Variants in ATG9A observed in about 807,000 individuals in gnomAD.
ATG9A encodes autophagy related 9A, also known as autophagy-related protein 9A.
Under a neutral mutation model 87.1 loss-of-function variants are expected in ATG9A, and 21 were observed. The observed-to-expected ratio is 0.24, with a 90% CI of 0.17 to 0.35. The LOEUF (loss-of-function observed/expected upper bound fraction) is 0.35. Among genes scored for constraint, ATG9A ranks in the 10% least tolerant of loss-of-function variants. ATG9A has a pLI of 1.00. For synonymous variants in ATG9A, 422 were observed against 441.3 expected, an observed-to-expected ratio of 0.96 and a Z score of 0.55; for missense variants, 836 against 1,107.3, an observed-to-expected ratio of 0.76 and a Z score of 3.48.
At chr2:219,221,810 C>T (rs1282013344) in intron 13 of ATG9A, among the ~76,000 whole-genome samples, 1 of 152,080 alleles carries the variant, frequency 6.6e-6, no homozygotes, top group African/African-American at 2.4e-5. Flanking sequence ...ACGGCAGCTG[C>T]AGAGACCCAA....
Position 219,226,853 on chromosome 2 carries a change from C to T in ATG9A, c.212+16G>A. On this transcript the variant is annotated intron_variant, in intron 5 of 15. Transcript: ENST00000361242. ...TGTATTCTTTCACCACATCATCTGT[C>T]CCTTCTTATACTTACATGAGCTCAA... 3 of 1,603,966 alleles carry T rather than the reference C, an allele frequency of 1.9e-6. No homozygotes were observed. Among genetic ancestry groups the T allele is most frequent in the Non-Finnish European group, 2.6e-6 (3 of 1,170,708 alleles).
rs1173602539 is a variant in ATG9A at position 219,223,609 on chromosome 2, A to G, written c.1575T>C (p.Asp525=). The G allele has an allele frequency of 2.5e-6, 4 of 1,610,634 alleles. No individual in the cohort carries two copies. The highest frequency in any genetic ancestry group is 3.4e-6 in the Non-Finnish European group (4 of 1,178,026). The part of the protein sequence containing the change: ...VGDTCSFAQM[D]VRQHGHPQWL... ...CCTGGGGATGACCATGCTGGCGAAC[A>G]TCCATCTGAGCAAAGGAGCAGGTAT... Residue 525 remains aspartate (D), a synonymous_variant, in exon 10 of 16, where the codon GAT becomes GAC. Coordinates refer to ENST00000361242, the MANE Select transcript of ATG9A (RefSeq NM_001077198.3). This position sits in a 1 kb window ranked among gnomAD's most constrained non-coding sequence, Gnocchi z 4.7.
intron 5 of ATG9A, among the ~76,000 whole-genome samples, chr2:219,225,866 T>C (rs1190154769): frequency 6.6e-6 from 1 of 152,014 alleles, no homozygotes; most frequent in African/African-American, 2.4e-5. Flanking sequence ...CTCCAGTCTC[T>C]GATTTCCTTT....
chr2:219,226,458 G>T (rs972705334), intron 5 of ATG9A, among the ~76,000 whole-genome samples: 1 of 152,204 alleles, frequency 6.6e-6, no homozygotes, highest in Non-Finnish European at 1.5e-5. Flanking sequence ...GTTGAGGCGG[G>T]CAGATAACCC....
rs764800423 is a variant in ATG9A, at chr2:219,224,181, T to C, written c.1190A>G (p.Tyr397Cys). 6.2e-7 allele frequency: 1 copy of C among 1,613,652 alleles called. No individual in the cohort carries two copies. Among genetic ancestry groups the C allele is most frequent in the South Asian group, 1.1e-5 (1 of 91,082 alleles). Residue 397 changes from tyrosine (Y) to cysteine (C), a missense_variant, in exon 8 of 16, where the codon TAT becomes TGT. This residue lies in a region of ATG9A where 512 missense variants were observed against 759.6 expected (regional missense o/e 0.67). Coordinates refer to ENST00000361242, the MANE Select transcript of ATG9A (RefSeq NM_001077198.3). This position sits in a 1 kb window ranked among gnomAD's most constrained non-coding sequence, Gnocchi z 7.7. ...TTCCACAGCCAACACATCTTCGTCA[T>C]AAATGGTGAGGGCAATAAGCACAGC... The part of the protein sequence containing the change: ...ILAVLIALTI[Y>C]DEDVLAVEHV...
At chr2:219,226,808 A>G in intron 5 of ATG9A, 61 bp downstream of exon 5, 1 of 1,500,398 alleles carries the variant, frequency 6.7e-7, no homozygotes, top group East Asian at 2.3e-5. Context: ...GTGTGAGTGC[A>G]AGGAGAGGAA....
In ATG9A at chr2:219,223,351, G is replaced by A. The variant is rs923094361; in HGVS notation, c.1599+234C>T. On this transcript the variant is annotated intron_variant, in intron 10 of 15. Coordinates refer to ENST00000361242, the MANE Select transcript of ATG9A (RefSeq NM_001077198.3). This position sits in a 1 kb window ranked among gnomAD's most constrained non-coding sequence, Gnocchi z 4.7. ...GATCCACCCGCCTTGGCCTCCCAAA[G>A]TGCTGGGATTACAGACGTGAGCCAC... Among the ~76,000 whole-genome samples, 2 of 152,102 alleles carry A rather than the reference G, an allele frequency of 1.3e-5. No individual in the cohort carries two copies. The highest frequency in any genetic ancestry group is 4.8e-5 in the African/African-American group (2 of 41,412).
In ATG9A at chr2:219,224,849, G is replaced by A. The variant is rs1338838808; in HGVS notation, c.522C>T (p.Ala174=). 1 of 1,569,474 alleles carries A rather than the reference G, an allele frequency of 6.4e-7. No individual in the cohort carries two copies. The highest frequency in any genetic ancestry group is 8.6e-7 in the Non-Finnish European group (1 of 1,157,666). The change falls in exon 8 of 16, where the codon GCC becomes GCT. Residue 174 remains alanine, a synonymous_variant. Transcript: ENST00000361242. The surrounding 1 kb of genome is among the most constrained non-coding windows in gnomAD (Gnocchi z 7.7). ...YLHALRIPMS[A]LPYCTWQEVQ... is the part of the protein sequence containing the mutation. ...CTTCTTGCCACGTGCAATACGGAAG[G>A]GCAGACTGCGGGGTGGGGTGGGGAA... is the stretch of plus-strand genomic sequence containing the variant.
chr2:219,227,714 C>T lies in ATG9A; in HGVS notation c.147+56G>A, dbSNP rs878959332. 28 of 1,589,494 alleles carry T rather than the reference C, an allele frequency of 1.8e-5. 1 individual carries two copies. The highest frequency in any genetic ancestry group is 3.4e-5 in the Admixed American group (2 of 59,430). ...CTACCCCCACCTCCCACCAGAGCCC[C>T]GGCTTAGAGAGACATTAAAGGTCCC... On this transcript the variant is annotated intron_variant, in intron 4 of 15. Transcript: ENST00000361242.
intron 3 of ATG9A, 45 bp from the exon 4 acceptor site, chr2:219,227,858 G>A: frequency 6.2e-7 from 1 of 1,612,900 alleles, no homozygotes; most frequent in Non-Finnish European, 8.5e-7. Context: ...GAGAACACAA[G>A]CCCCTTGCTC....
In ATG9A at chr2:219,220,559, G is replaced by A. The variant is rs558884356; in HGVS notation, c.2515-107C>T. ...AAGGGACAGGAAAGGTTGATTCCTG[G>A]GGAGGTAAGGTAAGGAAAAACCAAG... On this transcript the variant is annotated intron_variant, in intron 15 of 15. Transcript: ENST00000361242. The A allele has an allele frequency of 1.8e-5, 27 of 1,540,048 alleles. No individual in the cohort carries two copies. The East Asian group carries it at 5.9e-4, about 33-fold the overall frequency.
At chr2:219,221,397 C>A (rs968932712) in intron 13 of ATG9A, 95 bp from the exon 14 acceptor site, 33 of 1,218,034 alleles carry the variant, frequency 2.7e-5, no homozygotes, top group Non-Finnish European at 3.1e-5. Context: ...CCGCTTTACC[C>A]CTTCCCTGAG....
Position 219,221,251 on chromosome 2 carries a change from G to A in ATG9A, c.2197C>T (p.Arg733Trp), listed in dbSNP as rs781020199. 5.1e-6 allele frequency: 8 copies of A among 1,577,522 alleles called. No individual in the cohort carries two copies. The highest frequency in any genetic ancestry group is 2.2e-5 in the East Asian group (1 of 44,566). ...AEPERHVWHR[R>W]ESDESGESAP... ...CTTTCTCCACTCTCATCACTCTCCC[G>A]GCGGTGCCATACATGCCGCTCAGGT... The change falls in exon 14 of 16, where the codon CGG (arginine) becomes TGG (tryptophan). Residue 733 changes from arginine (R) to tryptophan (W), a missense_variant. Physicochemically the swap from Arg to Trp is moderately radical, Grantham distance 101. Transcript: ENST00000361242.
chr2:219,220,174 C>T lies in ATG9A; in HGVS notation c.*273G>A. ...TAAAGGTGGCAGTACTGGGGCTGGGCTGGGGGCCAGTTTCTAGCACCACAC... is the reference window on the plus strand; with the variant it reads ...TAAAGGTGGCAGTACTGGGGCTGGGTTGGGGGCCAGTTTCTAGCACCACAC... On this transcript the variant is annotated 3_prime_UTR_variant, in exon 16 of 16. Coordinates refer to ENST00000361242, the MANE Select transcript of ATG9A (RefSeq NM_001077198.3). The T allele has an allele frequency of 2.0e-6, 1 of 502,650 alleles. No individual in the cohort carries two copies. Among genetic ancestry groups the T allele is most frequent in the Non-Finnish European group, 3.6e-6 (1 of 279,012 alleles). The allele number at this position is 502,650 out of a possible 1,614,324, so 31.1% of individuals were successfully genotyped here.
chr2:219,225,946 C>T (rs975875446), intron 5 of ATG9A, among the ~76,000 whole-genome samples: 3 of 152,196 alleles, frequency 2.0e-5, no homozygotes, highest in Non-Finnish European at 2.9e-5. Flanking sequence ...CCTTCCCCTT[C>T]GGCAATGCTA....
Position 219,225,130 on chromosome 2 carries a change from TATAG to T in ATG9A, c.453_456del (p.Tyr152ThrfsTer51). ...TGGATCTCCCAGTAGCAGCAAATGT[TATAG>T]ATGAACTTGATAAGCCGGTGGATCC... is the stretch of plus-strand genomic sequence containing the variant. On this transcript the variant is annotated frameshift_variant, in exon 7 of 16. Transcript: ENST00000361242. LOFTEE classifies it high-confidence loss of function. 6.2e-7 allele frequency: 1 copy of T among 1,614,146 alleles called. No homozygotes were observed. Among genetic ancestry groups the T allele is most frequent in the Non-Finnish European group, 8.5e-7 (1 of 1,180,032 alleles).
rs1389807011 is a variant in ATG9A, at chr2:219,221,083, T to C, written c.2365A>G (p.Thr789Ala). Reference sequence around the variant, plus strand: ...CTCCTATACCCCCACTGGATACCTGTGATGCCACCGTAGCGCCTCTGGAAG... The same window carrying C: ...CTCCTATACCCCCACTGGATACCTGCGATGCCACCGTAGCGCCTCTGGAAG... ...GGFQRRYGGITDPGTVPRVPS... is the reference protein window; with the variant it reads ...GGFQRRYGGIADPGTVPRVPS... Residue 789 changes from threonine to alanine, a missense_variant, in exon 14 of 16, where the codon ACA (threonine) becomes GCA (alanine). Thr to Ala is a moderately conservative substitution (Grantham distance 58). Around this residue, in one of 2 missense-constraint regions of ATG9A, gnomAD observed 324 missense variants for 347.6 expected, o/e 0.93. Coordinates refer to ENST00000361242, the MANE Select transcript of ATG9A (RefSeq NM_001077198.3). 1 of 1,612,902 alleles carries C rather than the reference T, an allele frequency of 6.2e-7. No homozygotes were observed.
intron 1 of ATG9A, chr2:219,228,862 C>G (rs1950931236): frequency 6.6e-6 from 1 of 152,336 alleles, no homozygotes; most frequent in Admixed American, 6.5e-5. Flanking sequence ...TCAACCCCTT[C>G]TCTTACTTCC....
In ATG9A at chr2:219,221,181, A is replaced by C. The variant is rs769237954; in HGVS notation, c.2267T>G (p.Ile756Ser). Residue 756 changes from isoleucine to serine, a missense_variant, in exon 14 of 16, where the codon ATC (isoleucine) becomes AGC (serine). Physicochemically the swap from Ile to Ser is moderately radical, Grantham distance 142. Around this residue, in one of 2 missense-constraint regions of ATG9A, gnomAD observed 324 missense variants for 347.6 expected, o/e 0.93. Coordinates refer to ENST00000361242, the MANE Select transcript of ATG9A (RefSeq NM_001077198.3). Reference sequence around the variant, plus strand: ...ACAGGGATAGCTAGCAGAGCGAGGGATAGACTGGGGGGCCCGGGCGCCCTC... The same window carrying C: ...ACAGGGATAGCTAGCAGAGCGAGGGCTAGACTGGGGGGCCCGGGCGCCCTC... ...GGEGARAPQS[I>S]PRSASYPCAA... 4.4e-6 allele frequency: 7 copies of C among 1,601,428 alleles called. No individual in the cohort carries two copies. The highest frequency in any genetic ancestry group is 1.7e-5 in the Admixed American group (1 of 57,926).
Sources: gnomAD v4.1 joint callset for allele counts (sites outside exome capture counted in the v4.1 genomes callset) on GRCh38, gnomAD v4.1.1 for gene constraint, gnomAD v4.1.1 regional missense constraint, Gnocchi (gnomAD v3.1) non-coding constraint, MANE v1.5 for transcripts, NCBI Gene and HGNC (gene_info 2026-07-23, HGNC 2026-07-21) for gene names.